PCDHGA6: variants seen among roughly 807,000 people sequenced by gnomAD.
The protein encoded by PCDHGA6 is protocadherin gamma subfamily A, 6.
PCDHGA6 carries 41 observed loss-of-function variants against 60.6 expected under a neutral mutation model. That is an observed-to-expected ratio of 0.68 (90% confidence interval 0.53 to 0.88). The LOEUF (loss-of-function observed/expected upper bound fraction) is 0.88, where lower values mean the gene tolerates loss of function less well. Ranked by LOEUF, PCDHGA6 falls within the 40% of genes least tolerant of loss-of-function variation. The probability of loss-of-function intolerance (pLI) is 0.00; values close to 1 mark genes in which losing one functional copy is unlikely to be tolerated. For missense variants in PCDHGA6, 1,312 were observed against 1,203.0 expected (o/e 1.09, Z -1.34); for synonymous variants, 594 against 524.4 (o/e 1.13, Z -1.81).
intron 1 of PCDHGA6, chr5:141,433,179 T>C (rs760574214): frequency 1.2e-5 from 20 of 1,608,614 alleles, no homozygotes; most frequent in Admixed American, 1.7e-5. Flanking sequence ...CATGGGTTAA[T>C]TGAGGTGAGT....
chr5:141,399,131 A>T, intron 1 of PCDHGA6: 1 of 1,613,856 alleles, frequency 6.2e-7, no homozygotes, highest in African/African-American at 1.3e-5. Context: ...AATATTCAAG[A>T]TGAAAATGAC....
intron 1 of PCDHGA6, among the ~76,000 whole-genome samples, chr5:141,482,072 C>G (rs1010432509): frequency 1.5e-5 from 2 of 133,436 alleles, no homozygotes; most frequent in African/African-American, 5.9e-5. Flanking sequence ...GCAACAAGAA[C>G]AAAACTCACT....
chr5:141,399,522 C>T, intron 1 of PCDHGA6: 6 of 1,614,056 alleles, frequency 3.7e-6, no homozygotes, highest in Non-Finnish European at 5.1e-6. Flanking sequence ...CTCCTGGGGC[C>T]TCCATCGCGC....
intron 1 of PCDHGA6, chr5:141,430,850 A>T (rs1204872595): frequency 6.3e-7 from 1 of 1,582,670 alleles, no homozygotes; most frequent in South Asian, 1.2e-5. Context: ...ATGCACCCAG[A>T]TACGCTATTC....
In PCDHGA6 at chr5:141,432,733, C is replaced by T; in HGVS notation, c.2424+56226C>T. 1 of 1,614,094 alleles carries T rather than the reference C, an allele frequency of 6.2e-7. No individual in the cohort carries two copies. Among genetic ancestry groups the T allele is most frequent in the Middle Eastern group, 1.6e-4 (1 of 6,062 alleles). ...GCCAGCCCCCTCTCTCCGCCACTGTCACGCTCACCGTGGCCGTGGCCGACA... is the reference window on the plus strand; with the variant it reads ...GCCAGCCCCCTCTCTCCGCCACTGTTACGCTCACCGTGGCCGTGGCCGACA... On this transcript the variant is annotated intron_variant, in intron 1 of 3. Coordinates refer to ENST00000517434, the MANE Select transcript of PCDHGA6 (RefSeq NM_018919.3). The surrounding 1 kb of genome is among the most constrained non-coding windows in gnomAD (Gnocchi z 6.0).
chr5:141,418,153 G>A (rs1561771797), intron 1 of PCDHGA6: 2 of 1,614,086 alleles, frequency 1.2e-6, no homozygotes, highest in East Asian at 2.2e-5. Context: ...TATGCAAAGA[G>A]AGAAGAAGAT....
intron 1 of PCDHGA6, chr5:141,404,332 C>T (rs1257075931): frequency 6.2e-7 from 1 of 1,613,916 alleles, no homozygotes; most frequent in East Asian, 2.2e-5. Context: ...ACTCAGTCTA[C>T]CTCCCGGAAA....
chr5:141,490,956 A>T lies in PCDHGA6; in HGVS notation c.2425-3851A>T. 1.2e-6 allele frequency: 2 copies of T among 1,613,828 alleles called. No homozygotes were observed. The highest frequency in any genetic ancestry group is 1.7e-6 in the Non-Finnish European group (2 of 1,179,852). ...TGCTGCACCCACGGCCAGACTGGGA[A>T]CACTCAGCCCCCCAGCGTCTCCCTC... On this transcript the variant is annotated intron_variant, in intron 1 of 3. Transcript: ENST00000517434. The surrounding 1 kb of genome is among the most constrained non-coding windows in gnomAD (Gnocchi z 5.4).
chr5:141,447,864 T>A (rs2098553913), intron 1 of PCDHGA6, among the ~76,000 whole-genome samples: 1 of 152,098 alleles, frequency 6.6e-6, no homozygotes, highest in Non-Finnish European at 1.5e-5. Context: ...GGTGGGTGAA[T>A]CATCTGAGGT....
At chr5:141,508,371 C>T (rs1250979168) in intron 3 of PCDHGA6, 1 of 152,226 alleles carries the variant, frequency 6.6e-6, no homozygotes, top group East Asian at 1.9e-4. Flanking sequence ...CAACTTCTTC[C>T]CCTCAGATTT....
At chr5:141,423,100 G>A in intron 1 of PCDHGA6, 1 of 1,613,944 alleles carries the variant, frequency 6.2e-7, no homozygotes, top group Non-Finnish European at 8.5e-7. Context: ...GGAGCACACG[G>A]GCGAGGTGCG....
intron 1 of PCDHGA6, among the ~76,000 whole-genome samples, chr5:141,433,805 C>T (rs1325364387): frequency 1.3e-5 from 2 of 150,004 alleles, no homozygotes; most frequent in South Asian, 4.2e-4. Flanking sequence ...CCATTGCACT[C>T]CAGCCTGGGC....
Position 141,510,999 on chromosome 5 carries a change from G to C in PCDHGA6, c.2625G>C (p.Leu875Phe). Residue 875 changes from leucine (L) to phenylalanine (F), a missense_variant, in exon 4 of 4, where the codon TTG (leucine) becomes TTC (phenylalanine). Coordinates refer to ENST00000517434, the MANE Select transcript of PCDHGA6 (RefSeq NM_018919.3). ...GAGGGGGTGCCGGCACCATGGGATT[G>C]AGCGCCCGCTACGGACCCCAGTTCA... ...TLGGGAGTMG[L>F]SARYGPQFTL... 6.2e-7 allele frequency: 1 copy of C among 1,614,144 alleles called. No homozygotes were observed. Among genetic ancestry groups the C allele is most frequent in the Non-Finnish European group, 8.5e-7 (1 of 1,180,008 alleles).
In PCDHGA6 at chr5:141,511,618, T is replaced by C. The variant is rs1227028784; in HGVS notation, c.*445T>C. 4.3e-6 allele frequency: 1 copy of C among 232,232 alleles called. No homozygotes were observed. Among genetic ancestry groups the C allele is most frequent in the East Asian group, 9.9e-5 (1 of 10,122 alleles). 14.4% of individuals were successfully genotyped at this position (232,232 alleles called of 1,614,324 possible). A position where few individuals can be genotyped will look rare whatever the true frequency, so the allele number is the denominator to read the frequency against. ...AAGTAACCTACAAGCCTCCTAGTTCTGAAAAGTTGGAAGGGCATCATGACC... is the reference window on the plus strand; with the variant it reads ...AAGTAACCTACAAGCCTCCTAGTTCCGAAAAGTTGGAAGGGCATCATGACC... On this transcript the variant is annotated 3_prime_UTR_variant, in exon 4 of 4. Transcript: ENST00000517434.
At chr5:141,395,170 AGAAAAATGATTCTT>A in intron 1 of PCDHGA6, 1 of 1,614,214 alleles carries the variant, frequency 6.2e-7, no homozygotes, top group Non-Finnish European at 8.5e-7. Flanking sequence ...GAGGGCTGTG[AGAAAAATGATTCTT>A]TGTTAACATC....
chr5:141,397,907 G>C, intron 1 of PCDHGA6: 1 of 663,426 alleles, frequency 1.5e-6, no homozygotes, highest in Non-Finnish European at 2.5e-6. Context: ...AGAGCTTGGC[G>C]CTCCAGATCT....
rs186593502 is a variant in PCDHGA6 at position 141,429,415 on chromosome 5, A to G, written c.2424+52908A>G. Among the ~76,000 whole-genome samples, 582 of 151,976 alleles carry G rather than the reference A, an allele frequency of 3.8e-3. 6 individuals carry two copies. The highest frequency in any genetic ancestry group is 0.011 in the Admixed American group (171 of 15,260). ...AAAAAATTGAGATTAAGGTCTCATT[A>G]TGTTGCCCAGGCTGGACTCAAACTC... is the stretch of plus-strand genomic sequence containing the variant. On this transcript the variant is annotated intron_variant, in intron 1 of 3. Transcript: ENST00000517434.
intron 1 of PCDHGA6, chr5:141,404,343 A>G (rs2094516679): frequency 3.1e-6 from 5 of 1,613,902 alleles, no homozygotes; most frequent in Non-Finnish European, 4.2e-6. Flanking sequence ...CTCCCGGAAA[A>G]CAACGCCAGA....
chr5:141,432,746 G>T lies in PCDHGA6; in HGVS notation c.2424+56239G>T, dbSNP rs772043134. The T allele has an allele frequency of 6.2e-7, 1 of 1,614,098 alleles. No individual in the cohort carries two copies. Among genetic ancestry groups the T allele is most frequent in the Non-Finnish European group, 8.5e-7 (1 of 1,179,992 alleles). Reference sequence around the variant, plus strand: ...CTCCGCCACTGTCACGCTCACCGTGGCCGTGGCCGACAGCATCCCCCAAGT... The same window carrying T: ...CTCCGCCACTGTCACGCTCACCGTGTCCGTGGCCGACAGCATCCCCCAAGT... On this transcript the variant is annotated intron_variant, in intron 1 of 3. Transcript: ENST00000517434. This position sits in a 1 kb window ranked among gnomAD's most constrained non-coding sequence, Gnocchi z 6.0.
Sources: allele counts gnomAD v4.1 joint callset (sites outside exome capture counted in the v4.1 genomes callset), GRCh38; gene constraint gnomAD v4.1.1; non-coding constraint Gnocchi (gnomAD v3.1); transcripts MANE v1.5; gene names NCBI Gene and HGNC (gene_info 2026-07-23, HGNC 2026-07-21).